LARP4B: variants seen among roughly 807,000 people sequenced by gnomAD.
LARP4B encodes la-related protein 4B.
Under a neutral mutation model 89.8 loss-of-function variants are expected in LARP4B, and 12 were observed. The observed-to-expected ratio is 0.13, with a 90% CI of 0.09 to 0.22. The LOEUF (loss-of-function observed/expected upper bound fraction) is 0.22, where lower values mean the gene tolerates loss of function less well. Among genes scored for constraint, LARP4B ranks in the 10% least tolerant of loss-of-function variants. The pLI is 1.00. For missense variants in LARP4B, 757 were observed against 947.7 expected, an observed-to-expected ratio of 0.80 and a Z score of 2.64; for synonymous variants, 367 against 363.3, an observed-to-expected ratio of 1.01 and a Z score of -0.12.
At chr10:964,395 A>G in the LARP4B span, among the ~76,000 whole-genome samples, 1 of 149,422 alleles carries the variant, frequency 6.7e-6, no homozygotes, top group African/African-American at 2.5e-5. Context: ...TGGTTTTAGT[A>G]ATATTTTAGT....
the LARP4B span, among the ~76,000 whole-genome samples, chr10:979,122 G>A: frequency 1.3e-5 from 2 of 152,112 alleles, no homozygotes; most frequent in African/African-American, 4.8e-5. Flanking sequence ...TATCATTCTG[G>A]TACTTTATCT....
At chr10:824,161 G>C (rs752293369) in intron 13 of LARP4B, among the ~76,000 whole-genome samples, 3 of 152,114 alleles carry the variant, frequency 2.0e-5, no homozygotes, top group African/African-American at 7.2e-5. Context: ...AAATCCTGAC[G>C]GTCCTTACCA....
At chr10:938,732 C>T in the LARP4B span, among the ~76,000 whole-genome samples, 5 of 152,192 alleles carry the variant, frequency 3.3e-5, no homozygotes, top group Non-Finnish European at 5.9e-5. Flanking sequence ...ATACATCTCT[C>T]TCTCTCAGAG....
intron 1 of LARP4B, among the ~76,000 whole-genome samples, chr10:914,829 C>CCCCAAAA (rs1418822881): frequency 3.0e-5 from 3 of 100,500 alleles, no homozygotes; most frequent in Admixed American, 1.1e-4. Context: ...CACCCCCCAG[C>CCCCAAAA]AAAGAAAAAA....
the LARP4B span, among the ~76,000 whole-genome samples, chr10:982,191 C>T: frequency 4.1e-5 from 6 of 146,296 alleles, no homozygotes; most frequent in African/African-American, 1.5e-4. Flanking sequence ...TCTTGGCTCA[C>T]TGCAACCTCC....
At chr10:834,131 C>T (rs919279336) in intron 8 of LARP4B, among the ~76,000 whole-genome samples, 3 of 152,078 alleles carry the variant, frequency 2.0e-5, no homozygotes, top group African/African-American at 7.2e-5. Flanking sequence ...AAATTACTAG[C>T]CAGGTACACC....
intron 1 of LARP4B, among the ~76,000 whole-genome samples, chr10:909,179 A>G (rs567555616): frequency 6.6e-6 from 1 of 151,904 alleles, no homozygotes; most frequent in African/African-American, 2.4e-5. Flanking sequence ...TTGTAGTCCC[A>G]GCTACTCGGG....
chr10:910,156 G>A (rs1448237119), intron 1 of LARP4B, among the ~76,000 whole-genome samples: 1 of 152,188 alleles, frequency 6.6e-6, no homozygotes, highest in Non-Finnish European at 1.5e-5. Context: ...ACAATGTACA[G>A]CCAATCAATA....
Position 817,661 on chromosome 10 carries a change from G to A in LARP4B, c.1695+64C>T, listed in dbSNP as rs112907381. ...ACATGTATAAAGAGCTCAGCAAAGCGCCTGACACGGAACCCGTACCTAGAC... is the reference window on the plus strand; with the variant it reads ...ACATGTATAAAGAGCTCAGCAAAGCACCTGACACGGAACCCGTACCTAGAC... On this transcript the variant is annotated intron_variant, in intron 15 of 17. Coordinates refer to ENST00000316157, the MANE Select transcript of LARP4B (RefSeq NM_015155.3). 4.0e-4 allele frequency: 586 copies of A among 1,482,378 alleles called. 2 individuals are homozygous for A. In the African/African-American group the frequency reaches 7.0e-3, roughly 18 times the overall value. 91.8% of individuals were successfully genotyped at this position (1,482,378 alleles called of 1,614,324 possible).
intron 14 of LARP4B, 139 bp downstream of exon 14, chr10:820,661 T>C: frequency 1.3e-6 from 1 of 760,270 alleles, no homozygotes; most frequent in Non-Finnish European, 2.1e-6. Context: ...TGTCAGTTAT[T>C]ACTTAGTGGA....
chr10:901,325 C>T (rs1836338477), intron 1 of LARP4B, among the ~76,000 whole-genome samples: 1 of 152,198 alleles, frequency 6.6e-6, no homozygotes, highest in Non-Finnish European at 1.5e-5. Flanking sequence ...CATCCATCTG[C>T]CTTGTGCTGT....
the LARP4B span, among the ~76,000 whole-genome samples, chr10:945,383 C>CA: frequency 9.5e-3 from 818 of 86,076 alleles, 5 homozygotes; most frequent in African/African-American, 0.023. Flanking sequence ...GACTCTGTCT[C>CA]AAAAAAAAAA....
At chr10:924,688 C>G (rs958499646) in intron 1 of LARP4B, among the ~76,000 whole-genome samples, 15 of 152,260 alleles carry the variant, frequency 9.9e-5, no homozygotes, top group African/African-American at 3.6e-4. Context: ...ACCTCTCACT[C>G]CACCACCATC....
chr10:939,113 G>C, the LARP4B span, among the ~76,000 whole-genome samples: 1 of 152,220 alleles, frequency 6.6e-6, no homozygotes, highest in African/African-American at 2.4e-5. Context: ...CCATGACAGC[G>C]TATGGCTCAA....
At chr10:815,923 A>T (rs1832025854) in intron 15 of LARP4B, among the ~76,000 whole-genome samples, 2 of 152,206 alleles carry the variant, frequency 1.3e-5, no homozygotes, top group Non-Finnish European at 2.9e-5. Flanking sequence ...CTTTTGTAAA[A>T]GCTCATTTTA....
intron 1 of LARP4B, among the ~76,000 whole-genome samples, chr10:890,437 T>C (rs759214815): frequency 4.5e-4 from 68 of 152,206 alleles, no homozygotes; most frequent in Admixed American, 3.5e-3. Flanking sequence ...TTAATGTATA[T>C]GTATCTTCTT....
the LARP4B span, chr10:985,303 G>T: frequency 1.3e-5 from 2 of 152,202 alleles, no homozygotes; most frequent in African/African-American, 4.8e-5. Flanking sequence ...TAAGAACATA[G>T]ATAATACATA....
At chr10:905,383 T>C (rs1836461596) in intron 1 of LARP4B, among the ~76,000 whole-genome samples, 1 of 152,216 alleles carries the variant, frequency 6.6e-6, no homozygotes, top group African/African-American at 2.4e-5. Flanking sequence ...ACGTATTTCT[T>C]AGCATTTCAG....
the LARP4B span, among the ~76,000 whole-genome samples, chr10:944,001 A>G: frequency 2.0e-5 from 3 of 152,216 alleles, no homozygotes; most frequent in African/African-American, 7.2e-5. Context: ...GCATGATTCA[A>G]AAAGAAAAAG....
Sources: allele counts gnomAD v4.1 joint callset (sites outside exome capture counted in the v4.1 genomes callset), GRCh38; gene constraint gnomAD v4.1.1; transcripts MANE v1.5; gene names NCBI Gene and HGNC (gene_info 2026-07-23, HGNC 2026-07-21).